KCNIP4: variants seen among roughly 807,000 people sequenced by gnomAD.
KCNIP4 encodes the protein Kv channel-interacting protein 4.
In KCNIP4, 12 loss-of-function variants were observed where a neutral mutation model predicts 34.0. The observed-to-expected ratio is 0.35, with a 90% CI of 0.23 to 0.57. The LOEUF (loss-of-function observed/expected upper bound fraction) is 0.57, where lower values mean the gene tolerates loss of function less well. Among genes scored for constraint, KCNIP4 ranks in the 20% least tolerant of loss-of-function variants. KCNIP4 has a pLI of 0.83. For missense variants in KCNIP4, 238 were observed against 311.7 expected (o/e 0.76, Z 1.78); for synonymous variants, 124 against 102.2 (o/e 1.21, Z -1.29).
At chr4:21,627,978 T>G (rs1025208864) in intron 1 of KCNIP4, among the ~76,000 whole-genome samples, 1 of 152,168 alleles carries the variant, frequency 6.6e-6, no homozygotes, top group Non-Finnish European at 1.5e-5. Flanking sequence ...GGAGGTAATA[T>G]GTATGCAGTA....
chr4:21,446,434 C>T (rs375367066), intron 1 of KCNIP4, among the ~76,000 whole-genome samples: 3 of 151,950 alleles, frequency 2.0e-5, no homozygotes, highest in Non-Finnish European at 2.9e-5. Flanking sequence ...CCATGGAATA[C>T]TATGCAGCCA....
intron 4 of KCNIP4, 53 bp downstream of exon 4, chr4:20,758,768 C>T: frequency 7.1e-7 from 1 of 1,399,090 alleles, no homozygotes; most frequent in Non-Finnish European, 1.0e-6. Context: ...CTCAACACTG[C>T]AAGCATAATT....
At chr4:21,255,174 C>A (rs1278204251) in intron 1 of KCNIP4, among the ~76,000 whole-genome samples, 1 of 151,994 alleles carries the variant, frequency 6.6e-6, no homozygotes, top group South Asian at 2.1e-4. Flanking sequence ...TACCTGTGTC[C>A]CATCCCTTCT....
chr4:21,169,129 G>A (rs1185489199), intron 1 of KCNIP4, among the ~76,000 whole-genome samples: 3 of 152,070 alleles, frequency 2.0e-5, no homozygotes, highest in African/African-American at 7.2e-5. Context: ...GAACAGTTAT[G>A]GCTCTCTAAT....
intron 1 of KCNIP4, among the ~76,000 whole-genome samples, chr4:21,478,482 T>A (rs1359515825): frequency 6.6e-6 from 1 of 152,094 alleles, no homozygotes; most frequent in Non-Finnish European, 1.5e-5. Context: ...ACTGCAGCAA[T>A]CAAATGTTTA....
intron 1 of KCNIP4, among the ~76,000 whole-genome samples, chr4:21,855,018 C>T (rs1366099535): frequency 2.0e-5 from 3 of 152,102 alleles, no homozygotes; most frequent in Non-Finnish European, 4.4e-5. Flanking sequence ...CTATCATTTG[C>T]CCCTGCCAAC....
chr4:21,618,535 CTCTT>C (rs1035794832), intron 1 of KCNIP4, among the ~76,000 whole-genome samples: 1 of 151,462 alleles, frequency 6.6e-6, no homozygotes, highest in African/African-American at 2.4e-5. Flanking sequence ...TTTGCATTCT[CTCTT>C]TCTCCTTCTC....
chr4:21,425,724 A>G (rs1376144814), intron 1 of KCNIP4, among the ~76,000 whole-genome samples: 4 of 152,144 alleles, frequency 2.6e-5, no homozygotes, highest in Non-Finnish European at 4.4e-5. Context: ...TGTCAAACAC[A>G]TTTGCCTTCA....
At chr4:21,736,644 T>C (rs1186660750) in intron 1 of KCNIP4, among the ~76,000 whole-genome samples, 3 of 152,204 alleles carry the variant, frequency 2.0e-5, no homozygotes, top group African/African-American at 7.2e-5. Context: ...ACTTCATAAG[T>C]GAAGACTCAA....
intron 1 of KCNIP4, among the ~76,000 whole-genome samples, chr4:20,924,289 C>T (rs982647958): frequency 1.3e-5 from 2 of 152,082 alleles, no homozygotes; most frequent in Admixed American, 6.6e-5. Context: ...ATTCTCACTA[C>T]CAGAAGCTCC....
Position 21,436,878 on chromosome 4 carries a change from A to G in KCNIP4, c.61+511693T>C, listed in dbSNP as rs558289927. Among the ~76,000 whole-genome samples, 5 of 152,282 alleles carry G rather than the reference A, an allele frequency of 3.3e-5. No homozygotes were observed. The South Asian group carries it at 1.0e-3, about 32-fold the overall frequency. Reference sequence around the variant, plus strand: ...ACCACACTTATCTTTGGATACCCCTATGCCTAACACAGTGCCTGGCAGATA... The same window carrying G: ...ACCACACTTATCTTTGGATACCCCTGTGCCTAACACAGTGCCTGGCAGATA... On this transcript the variant is annotated intron_variant, in intron 1 of 8. Transcript: ENST00000382152.
intron 1 of KCNIP4, among the ~76,000 whole-genome samples, chr4:21,730,639 G>C (rs1021944908): frequency 6.6e-6 from 1 of 152,158 alleles, no homozygotes; most frequent in Non-Finnish European, 1.5e-5. Context: ...ACATTGTAAT[G>C]GGTAAAGGGG....
rs181641649 is a variant in KCNIP4, at chr4:21,237,173, T to G, written c.62-354464A>C. Among the ~76,000 whole-genome samples the G allele has an allele frequency of 3.0e-4, 46 of 152,252 alleles. No homozygotes were observed. The Middle Eastern group carries it at 0.01, about 34-fold the overall frequency. Reference sequence around the variant, plus strand: ...ATCAGTAAATAATTAATTACGTACTTTCATTCTTTGATTCTACAAAGATTA... The same window carrying G: ...ATCAGTAAATAATTAATTACGTACTGTCATTCTTTGATTCTACAAAGATTA... On this transcript the variant is annotated intron_variant, in intron 1 of 8. Coordinates refer to ENST00000382152, the MANE Select transcript of KCNIP4 (RefSeq NM_025221.6).
intron 1 of KCNIP4, among the ~76,000 whole-genome samples, chr4:21,545,585 C>T (rs1738080598): frequency 6.6e-6 from 1 of 152,132 alleles, no homozygotes; most frequent in African/African-American, 2.4e-5. Flanking sequence ...CTCCCTGTGT[C>T]CATGTGTTCT....
chr4:20,918,405 C>T (rs2149582232), intron 1 of KCNIP4, among the ~76,000 whole-genome samples: 1 of 152,200 alleles, frequency 6.6e-6, no homozygotes, highest in South Asian at 2.1e-4. Flanking sequence ...GTACTAGATA[C>T]AGGAGCAGAT....
intron 1 of KCNIP4, among the ~76,000 whole-genome samples, chr4:21,599,362 T>C (rs1742911883): frequency 6.6e-6 from 1 of 152,080 alleles, no homozygotes; most frequent in Admixed American, 6.6e-5. Context: ...TATGATTTAC[T>C]ATTTTTATAG....
intron 1 of KCNIP4, among the ~76,000 whole-genome samples, chr4:21,434,402 G>T (rs969814280): frequency 6.6e-6 from 1 of 152,082 alleles, no homozygotes; most frequent in African/African-American, 2.4e-5. Context: ...TTAATAGTAA[G>T]GTTTTAGAAT....
At chr4:21,259,036 G>T (rs1364834) in intron 1 of KCNIP4, among the ~76,000 whole-genome samples, 41,600 of 151,994 alleles carry the variant, frequency 0.27, 9,824 homozygotes, top group African/African-American at 0.64. Flanking sequence ...ACTATTTTTC[G>T]TATTTCACAG....
chr4:20,868,540 T>C (rs1723097722), intron 2 of KCNIP4, among the ~76,000 whole-genome samples: 1 of 152,096 alleles, frequency 6.6e-6, no homozygotes, highest in Non-Finnish European at 1.5e-5. Context: ...CATGCACTCA[T>C]ATGTTCATCA....
Sources: allele counts gnomAD v4.1 joint callset (sites outside exome capture counted in the v4.1 genomes callset), GRCh38; gene constraint gnomAD v4.1.1; transcripts MANE v1.5; gene names NCBI Gene and HGNC (gene_info 2026-07-23, HGNC 2026-07-21).